The following GPR63 variants were observed in gnomAD, a reference collection of about 807,000 sequenced individuals.
The protein encoded by GPR63 is probable G protein-coupled receptor 63.
Under a neutral mutation model 23.1 loss-of-function variants are expected in GPR63, and 12 were observed. The observed-to-expected ratio is 0.52, with a 90% CI of 0.33 to 0.84. GPR63 has a LOEUF of 0.84. GPR63 is among the 40% of genes least tolerant of loss of function. The probability of loss-of-function intolerance (pLI) is 0.02; values close to 1 mark genes in which losing one functional copy is unlikely to be tolerated. For synonymous variants in GPR63, 172 were observed against 191.1 expected, an observed-to-expected ratio of 0.90 and a Z score of 0.82; for missense variants, 472 against 515.6, an observed-to-expected ratio of 0.92 and a Z score of 0.82.
intron 1 of GPR63, among the ~76,000 whole-genome samples, chr6:96,814,896 A>G (rs1054933448): frequency 6.6e-6 from 1 of 152,198 alleles, no homozygotes; most frequent in Admixed American, 6.5e-5. Context: ...TTTCACAATT[A>G]ATAGAGCCAA....
In GPR63 at chr6:96,797,461, AT is replaced by A; in HGVS notation, c.*1010del. ...CAGCGCAGTCTCAGGATTCTGACAG[AT>A]TTTTGGATCCCAGCTCTACCACTAA... On this transcript the variant is annotated 3_prime_UTR_variant, in exon 2 of 2. Coordinates refer to ENST00000229955, the MANE Select transcript of GPR63 (RefSeq NM_030784.4). 6.6e-6 allele frequency: 1 copy of A among 152,330 alleles called. No individual in the cohort carries two copies. Among genetic ancestry groups the A allele is most frequent in the Non-Finnish European group, 1.5e-5 (1 of 68,060 alleles). The allele number at this position is 152,330 out of a possible 1,614,324, so 9.4% of individuals were successfully genotyped here.
intron 1 of GPR63, among the ~76,000 whole-genome samples, chr6:96,804,510 ATTT>A (rs537306749): frequency 2.6e-5 from 4 of 152,124 alleles, no homozygotes; most frequent in Non-Finnish European, 5.9e-5. Context: ...TGTGGGATCA[ATTT>A]TTTGTTTACT....
At chr6:96,832,787 T>C (rs1372402160) in intron 1 of GPR63, among the ~76,000 whole-genome samples, 1 of 139,090 alleles carries the variant, frequency 7.2e-6, no homozygotes, top group Non-Finnish European at 1.6e-5. Flanking sequence ...TGAACTTAAA[T>C]ACAAGTTAAA....
In GPR63 at chr6:96,798,466, C is replaced by T. The variant is rs1236936885; in HGVS notation, c.*6G>A. On this transcript the variant is annotated 3_prime_UTR_variant, in exon 2 of 2. Coordinates refer to ENST00000229955, the MANE Select transcript of GPR63 (RefSeq NM_030784.4). Reference sequence around the variant, plus strand: ...CATCACCCAAAATGTCAGCCAGTTCCAATATTCACACCACCGTCCGATGTT... The same window carrying T: ...CATCACCCAAAATGTCAGCCAGTTCTAATATTCACACCACCGTCCGATGTT... 6.2e-7 allele frequency: 1 copy of T among 1,608,216 alleles called. No homozygotes were observed. The highest frequency in any genetic ancestry group is 8.5e-7 in the Non-Finnish European group (1 of 1,175,822).
At chr6:96,834,060 C>T (rs117349215) in intron 1 of GPR63, among the ~76,000 whole-genome samples, 1,744 of 152,184 alleles carry the variant, frequency 0.011, 24 homozygotes, top group South Asian at 0.05. Context: ...TAGAGTTTCA[C>T]GCTTGAGTTT....
intron 1 of GPR63, among the ~76,000 whole-genome samples, chr6:96,802,396 C>T (rs548521372): frequency 1.1e-4 from 16 of 151,900 alleles, no homozygotes; most frequent in African/African-American, 2.7e-4. Flanking sequence ...CTAAATTTCT[C>T]GTAAAAAATG....
intron 1 of GPR63, among the ~76,000 whole-genome samples, chr6:96,808,720 G>A (rs907531524): frequency 3.9e-5 from 6 of 152,016 alleles, no homozygotes; most frequent in Non-Finnish European, 5.9e-5. Flanking sequence ...CAAAAAAGTG[G>A]GACACCTACA....
At chr6:96,814,977 A>G (rs1774127946) in intron 1 of GPR63, among the ~76,000 whole-genome samples, 1 of 152,370 alleles carries the variant, frequency 6.6e-6, no homozygotes, top group East Asian at 1.9e-4. Context: ...CTAAAAAATT[A>G]AACTGTTTAG....
intron 1 of GPR63, among the ~76,000 whole-genome samples, chr6:96,822,448 CAA>C (rs1337290437): frequency 6.6e-6 from 1 of 152,120 alleles, no homozygotes; most frequent in African/African-American, 2.4e-5. Context: ...TTTTAGTATT[CAA>C]AGTGGCCACC....
chr6:96,811,731 G>A (rs918419936), intron 1 of GPR63, among the ~76,000 whole-genome samples: 2 of 152,078 alleles, frequency 1.3e-5, no homozygotes, highest in African/African-American at 4.8e-5. Flanking sequence ...GGGAATGGGA[G>A]TCGAAGGACA....
At chr6:96,807,835 T>C (rs1773936770) in intron 1 of GPR63, among the ~76,000 whole-genome samples, 1 of 152,214 alleles carries the variant, frequency 6.6e-6, no homozygotes, top group Admixed American at 6.5e-5. Flanking sequence ...TCTTTGAATA[T>C]GTTAGCTTTA....
intron 1 of GPR63, among the ~76,000 whole-genome samples, chr6:96,810,445 A>C (rs1449149805): frequency 1.3e-5 from 2 of 151,520 alleles, no homozygotes; most frequent in African/African-American, 4.9e-5. Flanking sequence ...CAGTTAGCTG[A>C]GATCATGCCA....
At chr6:96,817,717 T>C (rs369297641) in intron 1 of GPR63, among the ~76,000 whole-genome samples, 63 of 152,108 alleles carry the variant, frequency 4.1e-4, no homozygotes, top group Middle Eastern at 3.4e-3. Flanking sequence ...AAATATAACA[T>C]TGAACAAAAG....
intron 1 of GPR63, among the ~76,000 whole-genome samples, chr6:96,803,306 G>C (rs763157822): frequency 5.9e-5 from 9 of 152,168 alleles, no homozygotes; most frequent in Admixed American, 5.2e-4. Context: ...CCAGCTTGGT[G>C]ACCAGTCACC....
Position 96,820,953 on chromosome 6 carries a change from G to A in GPR63, c.-151+16315C>T, listed in dbSNP as rs79856837. On this transcript the variant is annotated intron_variant, in intron 1 of 1. Coordinates refer to ENST00000229955, the MANE Select transcript of GPR63 (RefSeq NM_030784.4). ...GCCTCTCACTACAAATGATTTTGGC[G>A]TGTTCTTTGGAGGGAATAAAAAGTC... Among the ~76,000 whole-genome samples the A allele has an allele frequency of 4.0e-3, 608 of 152,212 alleles. 2 individuals carry two copies. Among genetic ancestry groups the A allele is most frequent in the Middle Eastern group, 6.8e-3 (2 of 294 alleles).
chr6:96,820,050 G>A (rs1774273850), intron 1 of GPR63, among the ~76,000 whole-genome samples: 2 of 150,610 alleles, frequency 1.3e-5, no homozygotes, highest in Non-Finnish European at 2.9e-5. Flanking sequence ...TTCTCCTCCA[G>A]CTTTTCTTTC....
chr6:96,835,861 C>T (rs910094654), intron 1 of GPR63, among the ~76,000 whole-genome samples: 5 of 152,322 alleles, frequency 3.3e-5, no homozygotes, highest in East Asian at 1.9e-4. Flanking sequence ...GTTTCCTACA[C>T]TATCCCGTCT....
At position 96,797,321 on chromosome 6, in the gene GPR63, T is replaced by C. The variant is rs1465386351; in HGVS notation, c.*1151A>G. 6.6e-6 allele frequency: 1 copy of C among 152,126 alleles called. No homozygotes were observed. Among genetic ancestry groups the C allele is most frequent in the Non-Finnish European group, 1.5e-5 (1 of 68,026 alleles). The allele number at this position is 152,126 out of a possible 1,614,324, so 9.4% of individuals were successfully genotyped here. A position where few individuals can be genotyped will look rare whatever the true frequency, so the allele number is the denominator to read the frequency against. ...CATATTTCTTTTGGTAGTTAGAAAA[T>C]AAAGGCTAATTTTTAAAAAGAATAT... On this transcript the variant is annotated 3_prime_UTR_variant, in exon 2 of 2. Transcript: ENST00000229955.
At chr6:96,801,956 C>T (rs1773777436) in intron 1 of GPR63, among the ~76,000 whole-genome samples, 1 of 152,174 alleles carries the variant, frequency 6.6e-6, no homozygotes, top group African/African-American at 2.4e-5. Context: ...ATAATTAAGA[C>T]TAAAGGCTGT....
Sources: gnomAD v4.1 joint callset for allele counts (sites outside exome capture counted in the v4.1 genomes callset) on GRCh38, gnomAD v4.1.1 for gene constraint, MANE v1.5 for transcripts, NCBI Gene and HGNC (gene_info 2026-07-23, HGNC 2026-07-21) for gene names.